The following GPR158 variants were observed in gnomAD, a reference collection of about 807,000 sequenced individuals.
The protein encoded by GPR158 is metabotropic glycine receptor.
A neutral mutation model predicts 78.2 loss-of-function variants in GPR158; 30 were observed. That is an observed-to-expected ratio of 0.38 (90% CI 0.29 to 0.52). The LOEUF (loss-of-function observed/expected upper bound fraction) is 0.52. Among genes scored for constraint, GPR158 ranks in the 20% least tolerant of loss-of-function variants. GPR158 has a pLI of 0.83. For missense variants in GPR158, 1,463 were observed against 1,523.5 expected (o/e 0.96, Z 0.66); for synonymous variants, 581 against 591.1 (o/e 0.98, Z 0.25).
At chr10:25,268,774 G>A (rs1257367363) in intron 2 of GPR158, among the ~76,000 whole-genome samples, 3 of 152,068 alleles carry the variant, frequency 2.0e-5, no homozygotes, top group Admixed American at 1.3e-4. Flanking sequence ...GCCAACCTTC[G>A]CCTTCACAAT....
At chr10:25,419,497 T>C (rs1276964972) in intron 4 of GPR158, among the ~76,000 whole-genome samples, 1 of 152,236 alleles carries the variant, frequency 6.6e-6, no homozygotes, top group African/African-American at 2.4e-5. Context: ...TTTTAAATTC[T>C]TTTGCTATAT....
intron 4 of GPR158, among the ~76,000 whole-genome samples, chr10:25,423,136 CATATACATATATAT>C (rs1371448973): frequency 1.4e-4 from 11 of 76,254 alleles, no homozygotes; most frequent in Non-Finnish European, 3.3e-4. Context: ...TATGTATATA[CATATACATATATAT>C]GTATATGTAT....
intron 6 of GPR158, among the ~76,000 whole-genome samples, chr10:25,551,325 G>A (rs1836722376): frequency 6.6e-6 from 1 of 152,168 alleles, no homozygotes; most frequent in South Asian, 2.1e-4. Flanking sequence ...TATGGAAAGG[G>A]TTAGTTCCTA....
intron 2 of GPR158, among the ~76,000 whole-genome samples, chr10:25,248,862 G>C (rs979516776): frequency 8.6e-5 from 13 of 151,672 alleles, no homozygotes; most frequent in Admixed American, 8.5e-4. Context: ...AAAGTCATTG[G>C]TAGCATGATG....
chr10:25,377,645 G>A (rs1320082505), intron 2 of GPR158, among the ~76,000 whole-genome samples: 1 of 151,962 alleles, frequency 6.6e-6, no homozygotes, highest in Admixed American at 6.6e-5. Context: ...TGTCTTTTGT[G>A]ACTGACTGCT....
intron 2 of GPR158, among the ~76,000 whole-genome samples, chr10:25,357,380 C>G (rs34427293): frequency 0.1 from 15,189 of 152,184 alleles, 1,879 homozygotes; most frequent in African/African-American, 0.3. Context: ...GGCACAATAT[C>G]TCCAGGGCAT....
chr10:25,403,743 A>C (rs963484947), intron 3 of GPR158, among the ~76,000 whole-genome samples: 1 of 152,032 alleles, frequency 6.6e-6, no homozygotes. Context: ...ACCTTGAAAA[A>C]TACTACTTTA....
At chr10:25,195,857 A>G (rs988202883) in intron 1 of GPR158, among the ~76,000 whole-genome samples, 19 of 152,242 alleles carry the variant, frequency 1.2e-4, no homozygotes, top group Non-Finnish European at 2.4e-4. Context: ...GTTCAAAGTC[A>G]TTTTGCCCTC....
chr10:25,242,390 A>T (rs187571319), intron 2 of GPR158, among the ~76,000 whole-genome samples: 2 of 152,392 alleles, frequency 1.3e-5, no homozygotes, highest in East Asian at 3.9e-4. Context: ...AAGTGAAATT[A>T]TACAGAAAAA....
rs935295753 is a variant in GPR158 at position 25,572,894 on chromosome 10, G to T, written c.1753+7G>T. Reference sequence around the variant, plus strand: ...GACTACATGACAGCAGTTGGTATGTGGTCACTTGTTTCGTATGATGGTCTT... The same window carrying T: ...GACTACATGACAGCAGTTGGTATGTTGTCACTTGTTTCGTATGATGGTCTT... On this transcript the variant is annotated splice_region_variant and intron_variant, in intron 7 of 10. Transcript: ENST00000376351. 1 of 1,482,380 alleles carries T rather than the reference G, an allele frequency of 6.7e-7. No homozygotes were observed. The highest frequency in any genetic ancestry group is 1.1e-5 in the South Asian group (1 of 88,532). The allele number at this position is 1,482,380 out of a possible 1,614,324, so 91.8% of individuals were successfully genotyped here.
intron 4 of GPR158, among the ~76,000 whole-genome samples, chr10:25,448,291 C>T (rs986743199): frequency 1.3e-5 from 2 of 151,722 alleles, no homozygotes; most frequent in East Asian, 1.9e-4. Context: ...GGGGTTTCAC[C>T]GTGTTAGCCA....
chr10:25,189,644 G>A (rs1852742424), intron 1 of GPR158, among the ~76,000 whole-genome samples: 1 of 152,034 alleles, frequency 6.6e-6, no homozygotes, highest in African/African-American at 2.4e-5. Flanking sequence ...CGTGGGGTTG[G>A]GGGAGGAGGG....
At chr10:25,376,960 A>C (rs1180824374) in intron 2 of GPR158, among the ~76,000 whole-genome samples, 5 of 151,454 alleles carry the variant, frequency 3.3e-5, no homozygotes, top group African/African-American at 1.2e-4. Context: ...ACCAGCTCTA[A>C]AGTTTTTCTT....
chr10:25,368,251 G>T (rs1447220504), intron 2 of GPR158, among the ~76,000 whole-genome samples: 2 of 151,500 alleles, frequency 1.3e-5, no homozygotes, highest in African/African-American at 4.8e-5. Flanking sequence ...CTTGTTTCAG[G>T]ATCTACTTCT....
chr10:25,178,982 T>C (rs150187866), intron 1 of GPR158, among the ~76,000 whole-genome samples: 1 of 152,296 alleles, frequency 6.6e-6, no homozygotes, highest in Admixed American at 6.5e-5. Flanking sequence ...ACAACCTGTG[T>C]TAGGGACATA....
chr10:25,369,904 A>G (rs1336208477), intron 2 of GPR158, among the ~76,000 whole-genome samples: 2 of 151,530 alleles, frequency 1.3e-5, no homozygotes, highest in South Asian at 4.2e-4. Context: ...GGGAGAGTGT[A>G]TGTGTCAAGG....
chr10:25,340,425 A>G (rs1855286335), intron 2 of GPR158, among the ~76,000 whole-genome samples: 1 of 152,122 alleles, frequency 6.6e-6, no homozygotes, highest in Admixed American at 6.6e-5. Context: ...TCAAATGTAT[A>G]TGTTAAACAG....
chr10:25,208,982 G>A (rs1236643179), intron 1 of GPR158, among the ~76,000 whole-genome samples: 1 of 151,824 alleles, frequency 6.6e-6, no homozygotes, highest in East Asian at 1.9e-4. Flanking sequence ...CCAAGAAGCT[G>A]GGACTACAGG....
intron 3 of GPR158, among the ~76,000 whole-genome samples, chr10:25,401,535 C>A (rs1048740724): frequency 8.5e-5 from 13 of 152,264 alleles, no homozygotes; most frequent in African/African-American, 3.1e-4. Context: ...TATAACACTT[C>A]AGTCCTCCAA....
Sources: gnomAD v4.1 joint callset for allele counts (sites outside exome capture counted in the v4.1 genomes callset) on GRCh38, gnomAD v4.1.1 for gene constraint, MANE v1.5 for transcripts, NCBI Gene and HGNC (gene_info 2026-07-23, HGNC 2026-07-21) for gene names.